Variants in PDE5A observed in about 807,000 individuals in gnomAD.
PDE5A encodes the protein cGMP-specific 3',5'-cyclic phosphodiesterase.
In PDE5A, 67 loss-of-function variants were observed where a neutral mutation model predicts 110.2. The ratio of observed to expected loss-of-function variants is 0.61; its 90% CI spans 0.50 to 0.75. The LOEUF (loss-of-function observed/expected upper bound fraction) is 0.75. Ranked by LOEUF, PDE5A falls within the 30% of genes least tolerant of loss-of-function variation. The probability of loss-of-function intolerance (pLI) is 0.00; values close to 1 mark genes in which losing one functional copy is unlikely to be tolerated. For synonymous variants in PDE5A, 328 were observed against 351.2 expected, an observed-to-expected ratio of 0.93 and a Z score of 0.74; for missense variants, 862 against 1,045.1, an observed-to-expected ratio of 0.82 and a Z score of 2.42.
intron 14 of PDE5A, among the ~76,000 whole-genome samples, chr4:119,515,576 G>C (rs937857164): frequency 2.0e-5 from 3 of 151,666 alleles, no homozygotes; most frequent in African/African-American, 7.3e-5. Flanking sequence ...TTCCATTCTT[G>C]CCAACCCTCT....
At chr4:119,600,762 A>G (rs958215177) in intron 2 of PDE5A, among the ~76,000 whole-genome samples, 12 of 152,202 alleles carry the variant, frequency 7.9e-5, no homozygotes, top group Admixed American at 7.9e-4. Context: ...TTAGAATTTC[A>G]GCTAATAAAT....
chr4:119,606,053 G>T (rs770979899), intron 2 of PDE5A, among the ~76,000 whole-genome samples: 3 of 152,222 alleles, frequency 2.0e-5, no homozygotes, highest in Non-Finnish European at 4.4e-5. Flanking sequence ...TGGGAAATTT[G>T]AAGAATCTTA....
At chr4:119,609,561 T>C (rs913282962) in intron 1 of PDE5A, among the ~76,000 whole-genome samples, 2 of 152,308 alleles carry the variant, frequency 1.3e-5, no homozygotes, top group Admixed American at 6.5e-5. Context: ...TTGTTAAATA[T>C]ACATTACTCT....
chr4:119,597,684 G>C (rs1729199536), intron 2 of PDE5A, among the ~76,000 whole-genome samples: 1 of 151,948 alleles, frequency 6.6e-6, no homozygotes. Context: ...ATCCACACTG[G>C]AAAAGCTCAT....
chr4:119,521,283 C>A (rs1300607228), intron 12 of PDE5A, among the ~76,000 whole-genome samples: 1 of 151,804 alleles, frequency 6.6e-6, no homozygotes, highest in East Asian at 1.9e-4. Context: ...CCACAGCCTA[C>A]CATGTTAAGT....
chr4:119,608,809 A>G (rs925410785), intron 1 of PDE5A, among the ~76,000 whole-genome samples: 6 of 152,182 alleles, frequency 3.9e-5, no homozygotes, highest in African/African-American at 4.8e-5. Flanking sequence ...ACAATGTACT[A>G]TTTTGGAGAT....
intron 7 of PDE5A, among the ~76,000 whole-genome samples, chr4:119,556,815 T>C (rs1727557048): frequency 6.6e-6 from 1 of 152,170 alleles, no homozygotes; most frequent in South Asian, 2.1e-4. Context: ...ATTGCTGACA[T>C]GGAAGAGTTC....
In PDE5A at chr4:119,507,673, T is replaced by G; in HGVS notation, c.2120A>C (p.Glu707Ala). Residue 707 changes from glutamate (E) to alanine (A), a missense_variant, in exon 16 of 21, where the codon GAA becomes GCA. Physicochemically the swap from Glu to Ala is moderately radical, Grantham distance 107. Transcript: ENST00000354960. ...TATTTTCAACGTGGTCTTATATTCT[T>G]CAATGGAGAGGCCACTGAGAATCTG... Reference protein sequence around the residue: ...GNQILSGLSIEEYKTTLKIIK... With the variant: ...GNQILSGLSIAEYKTTLKIIK... 1 of 1,589,888 alleles carries G rather than the reference T, an allele frequency of 6.3e-7. No individual in the cohort carries two copies. Among genetic ancestry groups the G allele is most frequent in the Non-Finnish European group, 8.5e-7 (1 of 1,172,020 alleles).
Position 119,494,806 on chromosome 4 carries a change from A to G in PDE5A, c.*3795T>C, listed in dbSNP as rs572375795. 3 of 152,690 alleles carry G rather than the reference A, an allele frequency of 2.0e-5. No individual in the cohort carries two copies. Among genetic ancestry groups the G allele is most frequent in the African/African-American group, 7.2e-5 (3 of 41,570 alleles). 9.5% of individuals were successfully genotyped at this position (152,690 alleles called of 1,614,324 possible). On this transcript the variant is annotated 3_prime_UTR_variant, in exon 21 of 21. Transcript: ENST00000354960. ...ACTGTAATATAAATTTATATTTTCA[A>G]CTATTTACATTGCTTTCAACAACAT...
intron 15 of PDE5A, among the ~76,000 whole-genome samples, chr4:119,510,783 C>A (rs570300601): frequency 6.6e-6 from 1 of 152,200 alleles, no homozygotes; most frequent in South Asian, 2.1e-4. Flanking sequence ...ACAAAATACA[C>A]ATTTTGTTTG....
intron 20 of PDE5A, chr4:119,500,232 T>C (rs759673780): frequency 6.6e-6 from 1 of 150,742 alleles, no homozygotes; most frequent in Admixed American, 6.6e-5. Context: ...CTGAGAAAAA[T>C]AGGGAGACGA....
Position 119,525,455 on chromosome 4 carries a change from C to A in PDE5A, c.1779+94G>T. The A allele has an allele frequency of 8.6e-7, 1 of 1,168,784 alleles. No homozygotes were observed. Among genetic ancestry groups the A allele is most frequent in the South Asian group, 1.7e-5 (1 of 58,918 alleles). 72.4% of individuals were successfully genotyped at this position (1,168,784 alleles called of 1,614,324 possible). On this transcript the variant is annotated intron_variant, in intron 12 of 20. Transcript: ENST00000354960. This position sits in a 1 kb window ranked among gnomAD's most constrained non-coding sequence, Gnocchi z 4.3. ...TATTAATCACTAAAATGTAAAAATC[C>A]CTATTCCATATTTGCATTCAAAACC... is the stretch of plus-strand genomic sequence containing the variant.
At chr4:119,609,291 C>T (rs923007027) in intron 1 of PDE5A, among the ~76,000 whole-genome samples, 3 of 152,130 alleles carry the variant, frequency 2.0e-5, no homozygotes, top group Non-Finnish European at 2.9e-5. Context: ...AGTACGTTTG[C>T]TACAGCAGAT....
At chr4:119,603,299 C>T (rs777169959) in intron 2 of PDE5A, among the ~76,000 whole-genome samples, 3 of 152,170 alleles carry the variant, frequency 2.0e-5, no homozygotes, top group Non-Finnish European at 4.4e-5. Flanking sequence ...AGCCACTTCT[C>T]GTGCAGTTGA....
At chr4:119,622,961 A>C (rs551478690) in intron 1 of PDE5A, among the ~76,000 whole-genome samples, 1 of 151,658 alleles carries the variant, frequency 6.6e-6, no homozygotes, top group South Asian at 2.1e-4. Flanking sequence ...AGTTTGCTTT[A>C]CCTACCTTAA....
rs1729667426 is a variant in PDE5A at position 119,609,466 on chromosome 4, C to CTT, written c.153-2170_153-2169insAA. 2.0e-5 allele frequency among the ~76,000 whole-genome samples: 3 copies of CTT among 152,246 alleles called. No homozygotes were observed. In the East Asian group the frequency reaches 5.8e-4, roughly 29 times the overall value. On this transcript the variant is annotated intron_variant, in intron 1 of 20. Coordinates refer to ENST00000354960, the MANE Select transcript of PDE5A (RefSeq NM_001083.4). ...GATGTAAAAGAGTTTGAAAAGAACACACTGTCTTATTTCTGAGTCTTTACT... is the reference window on the plus strand; with the variant it reads ...GATGTAAAAGAGTTTGAAAAGAACACTTACTGTCTTATTTCTGAGTCTTTACT...
intron 11 of PDE5A, chr4:119,527,166 C>T (rs892203344): frequency 2.6e-5 from 4 of 152,158 alleles, no homozygotes; most frequent in Non-Finnish European, 5.9e-5. Context: ...TCTTTCCTTT[C>T]ACAAAGAACA....
chr4:119,593,257 C>T (rs1012605285), intron 3 of PDE5A, among the ~76,000 whole-genome samples: 1 of 152,170 alleles, frequency 6.6e-6, no homozygotes, highest in African/African-American at 2.4e-5. Context: ...CATAAGTCCA[C>T]ACAAAGGTCT....
chr4:119,565,092 G>A (rs532515702), intron 5 of PDE5A, among the ~76,000 whole-genome samples: 1 of 151,970 alleles, frequency 6.6e-6, no homozygotes, highest in African/African-American at 2.4e-5. Context: ...AGTAACGTGT[G>A]GTGTAAGTCA....
Sources: allele counts gnomAD v4.1 joint callset (sites outside exome capture counted in the v4.1 genomes callset), GRCh38; gene constraint gnomAD v4.1.1; non-coding constraint Gnocchi (gnomAD v3.1); transcripts MANE v1.5; gene names NCBI Gene and HGNC (gene_info 2026-07-23, HGNC 2026-07-21).